The following SH3BP2 variants were observed in gnomAD, a reference collection of about 807,000 sequenced individuals.
The protein encoded by SH3BP2 is SH3 domain-binding protein 2.
SH3BP2 carries 38 observed loss-of-function variants against 56.2 expected under a neutral mutation model. The ratio of observed to expected loss-of-function variants is 0.68; its 90% CI spans 0.52 to 0.89. The LOEUF (loss-of-function observed/expected upper bound fraction) is 0.89. SH3BP2 is among the 40% of genes least tolerant of loss of function. SH3BP2 has a pLI of 0.00. For synonymous variants in SH3BP2, 346 were observed against 316.7 expected (o/e 1.09, Z -0.98); for missense variants, 748 against 762.6 (o/e 0.98, Z 0.23).
intron 1 of SH3BP2, among the ~76,000 whole-genome samples, chr4:2,811,050 C>G (rs765471029): frequency 6.6e-6 from 1 of 152,206 alleles, no homozygotes; most frequent in Non-Finnish European, 1.5e-5. Context: ...TAAGGAGGCC[C>G]CAGACCTAAA....
intron 5 of SH3BP2, chr4:2,826,596 G>GTC: frequency 3.1e-6 from 1 of 323,350 alleles, no homozygotes; most frequent in African/African-American, 2.5e-5. Context: ...GCATGTCTGT[G>GTC]TGTTGCTCTG....
rs1482037731 is a variant in SH3BP2 at position 2,829,873 on chromosome 4, A to G, written c.967A>G (p.Met323Val). Residue 323 changes from methionine (M) to valine (V), a missense_variant, in exon 8 of 13, where the codon ATG (methionine) becomes GTG (valine). Coordinates refer to ENST00000503393, the MANE Select transcript of SH3BP2 (RefSeq NM_001122681.2). This position sits in a 1 kb window ranked among gnomAD's most constrained non-coding sequence, Gnocchi z 4.9. ...GACSTSSAAI[M>V]ATATSRNCDK... ...CTGCTCCACTTCCAGTGCTGCCATC[A>G]TGGCCACTGCCACCTCCAGAAACTG... The G allele has an allele frequency of 4.3e-6, 7 of 1,613,608 alleles. No homozygotes were observed. The highest frequency in any genetic ancestry group is 1.7e-5 in the Admixed American group (1 of 60,006).
At chr4:2,822,801 G>C in intron 2 of SH3BP2, 134 bp from the exon 3 acceptor site, 1 of 725,030 alleles carries the variant, frequency 1.4e-6, no homozygotes. Flanking sequence ...TGCCAGCCTT[G>C]CTCCCTGCTC....
rs998662252 is a variant in SH3BP2, at chr4:2,831,814, C to G, written c.1351-109C>G. 56 of 1,397,110 alleles carry G rather than the reference C, an allele frequency of 4.0e-5. 1 individual carries two copies. In the South Asian group the frequency reaches 6.6e-4, roughly 17 times the overall value. The allele number at this position is 1,397,110 out of a possible 1,614,324, so 86.5% of individuals were successfully genotyped here. ...GAGAACCCGGGAGCCTAGGGGGACACAGCACCATGTAAAGCCCCGGATCCC... is the reference window on the plus strand; with the variant it reads ...GAGAACCCGGGAGCCTAGGGGGACAGAGCACCATGTAAAGCCCCGGATCCC... On this transcript the variant is annotated intron_variant, in intron 9 of 12. Coordinates refer to ENST00000503393, the MANE Select transcript of SH3BP2 (RefSeq NM_001122681.2). The surrounding 1 kb of genome is among the most constrained non-coding windows in gnomAD (Gnocchi z 4.1).
In SH3BP2 at chr4:2,838,313, T is replaced by A. The variant is rs1725304618; in HGVS notation, c.*4479T>A. 1 of 152,266 alleles carries A rather than the reference T, an allele frequency of 6.6e-6. No homozygotes were observed. The highest frequency in any genetic ancestry group is 6.5e-5 in the Admixed American group (1 of 15,280). 9.4% of individuals were successfully genotyped at this position (152,266 alleles called of 1,614,324 possible). On this transcript the variant is annotated 3_prime_UTR_variant, in exon 13 of 13. Transcript: ENST00000503393. ...TGTGAGTCTTGTGTTCTTGTTTTTC[T>A]AAAAAGTCTTCAGCACCCAATTATG...
chr4:2,796,511 G>T (rs1723067413), intron 1 of SH3BP2: 1 of 961,218 alleles, frequency 1.0e-6, no homozygotes, highest in Admixed American at 6.2e-5. Flanking sequence ...GGTCACATCT[G>T]GTCCATCTTT....
chr4:2,820,265 C>T (rs1294678086), intron 1 of SH3BP2, among the ~76,000 whole-genome samples: 1 of 152,220 alleles, frequency 6.6e-6, no homozygotes, highest in Non-Finnish European at 1.5e-5. Flanking sequence ...CCTGGGCTGG[C>T]AGTTTTCTGA....
intron 1 of SH3BP2, among the ~76,000 whole-genome samples, chr4:2,809,442 G>A (rs973192746): frequency 4.0e-5 from 6 of 151,634 alleles, no homozygotes; most frequent in Admixed American, 3.9e-4. Flanking sequence ...TGCCCTCCCT[G>A]AGCTCTGCAG....
Position 2,829,573 on chromosome 4 carries a change from G to A in SH3BP2, c.667G>A (p.Ala223Thr), listed in dbSNP as rs370579025. ...GCCAGCCTTCTCTGACATGCCCCGG[G>A]CCCACTCCTTTACCTCCAAGGGCCC... ...RKPAFSDMPR[A>T]HSFTSKGPGP... The change falls in exon 8 of 13, where the codon GCC becomes ACC. Residue 223 changes from alanine to threonine, a missense_variant. Transcript: ENST00000503393. The surrounding 1 kb of genome is among the most constrained non-coding windows in gnomAD (Gnocchi z 4.9). 6.2e-7 allele frequency: 1 copy of A among 1,613,210 alleles called. No individual in the cohort carries two copies. The highest frequency in any genetic ancestry group is 2.2e-5 in the East Asian group (1 of 44,868).
In SH3BP2 at chr4:2,814,790, CT is replaced by C. The variant is rs527738334; in HGVS notation, c.-4-5822del. On this transcript the variant is annotated intron_variant, in intron 1 of 12. Coordinates refer to ENST00000503393, the MANE Select transcript of SH3BP2 (RefSeq NM_001122681.2). Reference sequence around the variant, plus strand: ...CCCCAGGAAGGATGTGAACCCAGATCTTCAGCACTCTCCCTCACAGCTCCTG... The same window carrying C: ...CCCCAGGAAGGATGTGAACCCAGATCTCAGCACTCTCCCTCACAGCTCCTG... 348 of 152,394 alleles carry C rather than the reference CT, an allele frequency of 2.3e-3. 3 individuals carry two copies. Among genetic ancestry groups the C allele is most frequent in the Non-Finnish European group, 3.9e-3 (269 of 68,116 alleles). The allele number at this position is 152,394 out of a possible 1,614,324, so 9.4% of individuals were successfully genotyped here. A position where few individuals can be genotyped will look rare whatever the true frequency, so the allele number is the denominator to read the frequency against.
At position 2,832,056 on chromosome 4, in the gene SH3BP2, C is replaced by T. The variant is rs189087317; in HGVS notation, c.1406+78C>T. ...CTTCTGTGTCCCTCTCACTAGCTTC[C>T]GTGTTGGGGAGTTGCTGGCACAAGT... On this transcript the variant is annotated intron_variant, in intron 10 of 12. Transcript: ENST00000503393. The T allele has an allele frequency of 4.1e-3, 6,030 of 1,472,506 alleles. 23 individuals carry two copies. Among genetic ancestry groups the T allele is most frequent in the Non-Finnish European group, 5.3e-3 (5,608 of 1,059,842 alleles). 91.2% of individuals were successfully genotyped at this position (1,472,506 alleles called of 1,614,324 possible). A position where few individuals can be genotyped will look rare whatever the true frequency, so the allele number is the denominator to read the frequency against.
rs560627620 is a variant in SH3BP2, at chr4:2,826,757, TTGTG to T, written c.429-468_429-465del. ...GTGCATGTCCGCGTGTTGCTTGTGT[TTGTG>T]TGTGCGTGTCCGTGTGTCGCTCGTC... On this transcript the variant is annotated intron_variant, in intron 5 of 12. Transcript: ENST00000503393. 1,775 of 370,654 alleles carry T rather than the reference TTGTG, an allele frequency of 4.8e-3. 29 individuals are homozygous for T. The highest frequency in any genetic ancestry group is 0.035 in the African/African-American group (1,637 of 47,238). 23.0% of individuals were successfully genotyped at this position (370,654 alleles called of 1,614,324 possible).
Position 2,832,983 on chromosome 4 carries a change from C to T in SH3BP2, c.1489-7C>T. The T allele has an allele frequency of 6.2e-7, 1 of 1,614,140 alleles. No homozygotes were observed. Among genetic ancestry groups the T allele is most frequent in the South Asian group, 1.1e-5 (1 of 91,088 alleles). ...GGAGCCGTCAGCCTCCCGCTTCCGTCCTGTAGGTCCTGGTTGTGTGGGACG... is the reference window on the plus strand; with the variant it reads ...GGAGCCGTCAGCCTCCCGCTTCCGTTCTGTAGGTCCTGGTTGTGTGGGACG... On this transcript the variant is annotated splice_polypyrimidine_tract_variant and splice_region_variant and intron_variant, in intron 11 of 12. Coordinates refer to ENST00000503393, the MANE Select transcript of SH3BP2 (RefSeq NM_001122681.2).
intron 3 of SH3BP2, 91 bp from the exon 4 acceptor site, chr4:2,824,522 T>C: frequency 1.1e-6 from 1 of 937,960 alleles, no homozygotes; most frequent in Non-Finnish European, 1.7e-6. Context: ...GGCGTGGTGC[T>C]GGTGCCGAGA....
intron 8 of SH3BP2, among the ~76,000 whole-genome samples, chr4:2,830,522 C>T (rs368600894): frequency 1.3e-5 from 2 of 152,206 alleles, no homozygotes; most frequent in African/African-American, 4.8e-5. Flanking sequence ...CCAACACGCC[C>T]GGCTAATTTT....
chr4:2,825,251 C>G, intron 5 of SH3BP2, 55 bp downstream of exon 5: 1 of 1,426,650 alleles, frequency 7.0e-7, no homozygotes, highest in Non-Finnish European at 9.7e-7. Flanking sequence ...GCGCCTGGGC[C>G]TGACCCGGGT....
chr4:2,827,319 G>T lies in SH3BP2; in HGVS notation c.517+1G>T, dbSNP rs1239748749. The T allele has an allele frequency of 6.2e-7, 1 of 1,613,778 alleles. No individual in the cohort carries two copies. The highest frequency in any genetic ancestry group is 2.2e-5 in the East Asian group (1 of 44,886). ...TCCCCGTACCCCACGGACAATGAAG[G>T]TGAGGTCTTTCTCCGCATCCACTGC... On this transcript the variant is annotated splice_donor_variant, in intron 6 of 12. Transcript: ENST00000503393. LOFTEE classifies it high-confidence loss of function.
intron 1 of SH3BP2, chr4:2,796,391 G>T (rs1333056175): frequency 4.1e-5 from 40 of 985,230 alleles, no homozygotes; most frequent in Non-Finnish European, 4.8e-5. Context: ...AACTTCCAAG[G>T]CCATGAGAGT....
chr4:2,828,847 G>A (rs142584303), intron 7 of SH3BP2, among the ~76,000 whole-genome samples: 4,820 of 152,246 alleles, frequency 0.032, 113 homozygotes, highest in Non-Finnish European at 0.048. Flanking sequence ...TTCCTTGCCA[G>A]CCCGTCCTCC....
Sources: allele counts gnomAD v4.1 joint callset (sites outside exome capture counted in the v4.1 genomes callset), GRCh38; gene constraint gnomAD v4.1.1; non-coding constraint Gnocchi (gnomAD v3.1); transcripts MANE v1.5; gene names NCBI Gene and HGNC (gene_info 2026-07-23, HGNC 2026-07-21).